The following DSCAM variants were observed in gnomAD, a reference collection of about 807,000 sequenced individuals.
DSCAM encodes cell adhesion molecule DSCAM.
In DSCAM, 47 loss-of-function variants were observed where a neutral mutation model predicts 217.7. The ratio of observed to expected loss-of-function variants is 0.22; its 90% CI spans 0.17 to 0.28. The LOEUF (loss-of-function observed/expected upper bound fraction) is 0.28. Among genes scored for constraint, DSCAM ranks in the 10% least tolerant of loss-of-function variants. The probability of loss-of-function intolerance (pLI) is 1.00; values close to 1 mark genes in which losing one functional copy is unlikely to be tolerated. For synonymous variants in DSCAM, 1,056 were observed against 1,015.3 expected (o/e 1.04, Z -0.76); for missense variants, 2,080 against 2,618.3 (o/e 0.79, Z 4.49).
At chr21:40,061,584 A>G (rs569258056) in intron 28 of DSCAM, among the ~76,000 whole-genome samples, 4,667 of 116,484 alleles carry the variant, frequency 0.04, 146 homozygotes, top group African/African-American at 0.07. Context: ...AAAAAAAAAA[A>G]AGAAAAAGGA....
chr21:40,530,844 A>G (rs1180146420), intron 3 of DSCAM, among the ~76,000 whole-genome samples: 1 of 151,632 alleles, frequency 6.6e-6, no homozygotes, highest in African/African-American at 2.4e-5. Context: ...TCAAAGCTAC[A>G]TGCCTCTTTG....
intron 8 of DSCAM, among the ~76,000 whole-genome samples, chr21:40,321,540 T>A (rs1377361893): frequency 1.3e-5 from 2 of 152,172 alleles, no homozygotes; most frequent in Non-Finnish European, 2.9e-5. Flanking sequence ...GTCTTTTGTG[T>A]GGTTTCTCTT....
intron 3 of DSCAM, among the ~76,000 whole-genome samples, chr21:40,456,132 T>C (rs1217632782): frequency 6.6e-6 from 1 of 151,872 alleles, no homozygotes. Flanking sequence ...AAATATAATT[T>C]TTTTAAATAA....
intron 3 of DSCAM, among the ~76,000 whole-genome samples, chr21:40,569,888 G>C (rs1255386462): frequency 1.3e-5 from 2 of 151,814 alleles, no homozygotes; most frequent in Admixed American, 1.3e-4. Flanking sequence ...ATAATATATA[G>C]AACATAGAAT....
chr21:40,089,051 G>T (rs1423242974), intron 21 of DSCAM, among the ~76,000 whole-genome samples: 1 of 152,104 alleles, frequency 6.6e-6, no homozygotes, highest in African/African-American at 2.4e-5. Flanking sequence ...AACATTCTGG[G>T]CATAACCCCT....
intron 11 of DSCAM, among the ~76,000 whole-genome samples, chr21:40,199,899 C>T (rs1803825109): frequency 6.6e-6 from 1 of 151,834 alleles, no homozygotes; most frequent in Admixed American, 6.6e-5. Context: ...ATGTAACAAA[C>T]CTGCACATTC....
chr21:40,325,202 A>G (rs1363089863), intron 8 of DSCAM, among the ~76,000 whole-genome samples: 1 of 152,204 alleles, frequency 6.6e-6, no homozygotes, highest in Non-Finnish European at 1.5e-5. Flanking sequence ...AGGGTATAAA[A>G]AGGTAGTCAA....
intron 3 of DSCAM, among the ~76,000 whole-genome samples, chr21:40,628,810 C>A (rs555184685): frequency 2.0e-5 from 3 of 152,028 alleles, no homozygotes; most frequent in African/African-American, 7.3e-5. Context: ...TGCAGTGGTG[C>A]GATCTCAGCT....
chr21:40,557,516 G>A (rs960712839), intron 3 of DSCAM, among the ~76,000 whole-genome samples: 7 of 152,084 alleles, frequency 4.6e-5, no homozygotes, highest in African/African-American at 1.4e-4. Flanking sequence ...CACCGGGCCC[G>A]GCTAATTTTT....
chr21:40,059,654 A>G (rs2089083352), intron 28 of DSCAM, among the ~76,000 whole-genome samples: 1 of 152,232 alleles, frequency 6.6e-6, no homozygotes, highest in South Asian at 2.1e-4. Context: ...TAGAACACAG[A>G]ATGTGGAGTG....
At chr21:40,572,918 A>C (rs1459173762) in intron 3 of DSCAM, among the ~76,000 whole-genome samples, 2 of 152,224 alleles carry the variant, frequency 1.3e-5, no homozygotes, top group East Asian at 1.9e-4. Flanking sequence ...AATTATCTCT[A>C]ATAGAATACT....
intron 3 of DSCAM, among the ~76,000 whole-genome samples, chr21:40,498,342 C>A (rs1197859054): frequency 6.6e-6 from 1 of 151,892 alleles, no homozygotes; most frequent in African/African-American, 2.4e-5. Flanking sequence ...GCCACACCTG[C>A]TCTGCAAGAC....
At chr21:40,625,678 C>T (rs569127755) in intron 3 of DSCAM, among the ~76,000 whole-genome samples, 237 of 152,344 alleles carry the variant, frequency 1.6e-3, no homozygotes, top group Non-Finnish European at 3.0e-3. Context: ...GTTCTTTTAT[C>T]TTTCTTGTAT....
chr21:40,414,640 T>C (rs1403842198), intron 3 of DSCAM, among the ~76,000 whole-genome samples: 1 of 152,222 alleles, frequency 6.6e-6, no homozygotes, highest in Non-Finnish European at 1.5e-5. Flanking sequence ...GTATTTCAGA[T>C]CCTAACAATG....
chr21:40,093,667 C>T (rs2089638898), intron 21 of DSCAM, 54 bp downstream of exon 21: 1 of 1,600,204 alleles, frequency 6.2e-7, no homozygotes, highest in African/African-American at 1.3e-5. Context: ...AAAATAGAGA[C>T]TTAAAAACAG....
intron 27 of DSCAM, among the ~76,000 whole-genome samples, chr21:40,073,925 T>A (rs1209968717): frequency 6.6e-6 from 1 of 152,230 alleles, no homozygotes; most frequent in Non-Finnish European, 1.5e-5. Flanking sequence ...CATGGACAGA[T>A]TCTTAATTGT....
At chr21:40,378,166 T>C (rs1429068408) in intron 3 of DSCAM, among the ~76,000 whole-genome samples, 1 of 152,350 alleles carries the variant, frequency 6.6e-6, no homozygotes, top group Middle Eastern at 3.4e-3. Context: ...GTCAACTTAA[T>C]ATTGCAAAAA....
intron 3 of DSCAM, among the ~76,000 whole-genome samples, chr21:40,492,441 T>A (rs2076083140): frequency 6.6e-6 from 1 of 152,058 alleles, no homozygotes; most frequent in African/African-American, 2.4e-5. Context: ...ATTCAAAAAA[T>A]TTTTAAGAAA....
intron 3 of DSCAM, among the ~76,000 whole-genome samples, chr21:40,690,315 G>A (rs1183230897): frequency 1.3e-5 from 2 of 152,146 alleles, no homozygotes; most frequent in Non-Finnish European, 2.9e-5. Context: ...TCATGCCACT[G>A]CTTTGGGGCC....
Sources: gnomAD v4.1 joint callset for allele counts (sites outside exome capture counted in the v4.1 genomes callset) on GRCh38, gnomAD v4.1.1 for gene constraint, MANE v1.5 for transcripts, NCBI Gene and HGNC (gene_info 2026-07-23, HGNC 2026-07-21) for gene names.